Variants in MTMR14 observed in about 807,000 individuals in gnomAD.
The protein encoded by MTMR14 is myotubularin related protein 14, also known as phosphatidylinositol-3,5-bisphosphate 3-phosphatase MTMR14.
MTMR14 carries 48 observed loss-of-function variants against 86.3 expected under a neutral mutation model. The ratio of observed to expected loss-of-function variants is 0.56; its 90% CI spans 0.44 to 0.71. The LOEUF is 0.71. Ranked by LOEUF, MTMR14 falls within the 30% of genes least tolerant of loss-of-function variation. The pLI is 0.00. For synonymous variants in MTMR14, 366 were observed against 326.1 expected (o/e 1.12, Z -1.32); for missense variants, 780 against 834.6 (o/e 0.93, Z 0.81).
chr3:9,665,299 A>G (rs1261261583), intron 3 of MTMR14, among the ~76,000 whole-genome samples: 1 of 150,906 alleles, frequency 6.6e-6, no homozygotes. Flanking sequence ...AAAAAAAAAA[A>G]GTCTCACGTA....
intron 9 of MTMR14, among the ~76,000 whole-genome samples, chr3:9,681,342 T>C (rs1395843936): frequency 6.6e-6 from 1 of 152,178 alleles, no homozygotes; most frequent in East Asian, 1.9e-4. Context: ...TTGCCCCAGC[T>C]ATGAAGAAGC....
At chr3:9,653,469 G>C in intron 1 of MTMR14, 152 bp from the exon 2 acceptor site, 1 of 877,668 alleles carries the variant, frequency 1.1e-6, no homozygotes, top group African/African-American at 1.8e-5. Flanking sequence ...CTACACGTAG[G>C]ACCTGTGGCC....
intron 18 of MTMR14, among the ~76,000 whole-genome samples, chr3:9,698,260 A>AGCG (rs2076345009): frequency 6.6e-6 from 1 of 152,234 alleles, no homozygotes; most frequent in Non-Finnish European, 1.5e-5. Flanking sequence ...GTTAGCCCGA[A>AGCG]GCTTTGCTCC....
intron 1 of MTMR14, among the ~76,000 whole-genome samples, chr3:9,652,710 A>AG (rs1553663152): frequency 6.6e-6 from 1 of 150,902 alleles, no homozygotes; most frequent in Non-Finnish European, 1.5e-5. Flanking sequence ...AAAAAAAAAA[A>AG]GGAATGGGGA....
At chr3:9,693,229 A>G (rs2076186858) in intron 17 of MTMR14, among the ~76,000 whole-genome samples, 2 of 152,268 alleles carry the variant, frequency 1.3e-5, no homozygotes, top group South Asian at 4.1e-4. Context: ...TCAAGATAAC[A>G]TAAACAATAG....
In MTMR14 at chr3:9,649,743, G is replaced by T. The variant is rs768430127; in HGVS notation, c.159+1G>T. ...TGGCAGCGGGACCGGCGGCTCTAAG[G>T]TGAGATTGGAGGTGCGATGAGCTGG... is the stretch of plus-strand genomic sequence containing the variant. On this transcript the variant is annotated splice_donor_variant, in intron 1 of 18. Transcript: ENST00000296003. LOFTEE classifies it high-confidence loss of function. 1.2e-6 allele frequency: 2 copies of T among 1,613,442 alleles called. No homozygotes were observed. The highest frequency in any genetic ancestry group is 1.1e-5 in the South Asian group (1 of 90,934).
Position 9,668,741 on chromosome 3 carries a change from T to C in MTMR14, c.440T>C (p.Leu147Pro). The C allele has an allele frequency of 6.2e-7, 1 of 1,614,198 alleles. No homozygotes were observed. Among genetic ancestry groups the C allele is most frequent in the Non-Finnish European group, 8.5e-7 (1 of 1,180,036 alleles). Residue 147 changes from leucine (L) to proline (P), a missense_variant, in exon 4 of 19, where the codon CTG becomes CCG. Physicochemically the swap from Leu to Pro is moderately conservative, Grantham distance 98 (BLOSUM62 -3). Coordinates refer to ENST00000296003, the MANE Select transcript of MTMR14 (RefSeq NM_001077525.3). ...KGKHICRSAT[L>P]AGWGELYGRS... ...CAGCACATTTGCAGGTCGGCCACAC[T>C]GGCTGGATGGGGAGAGCTGTATGGA...
chr3:9,700,717 A>C (rs2076427224), intron 18 of MTMR14: 1 of 152,208 alleles, frequency 6.6e-6, no homozygotes, highest in Non-Finnish European at 1.5e-5. Context: ...TCCAGTGGGG[A>C]ACCCTGGCTT....
chr3:9,675,262 C>T (rs2048793871), intron 7 of MTMR14, among the ~76,000 whole-genome samples: 1 of 152,152 alleles, frequency 6.6e-6, no homozygotes, highest in African/African-American at 2.4e-5. Flanking sequence ...CCATTGCACA[C>T]CCAAATAAGG....
intron 2 of MTMR14, among the ~76,000 whole-genome samples, chr3:9,658,563 G>A (rs1221202593): frequency 6.6e-6 from 1 of 152,236 alleles, no homozygotes; most frequent in Non-Finnish European, 1.5e-5. Flanking sequence ...GTGAGGCCCT[G>A]CCGGATAGTG....
intron 17 of MTMR14, among the ~76,000 whole-genome samples, chr3:9,692,140 T>C (rs1479458967): frequency 6.6e-6 from 1 of 152,202 alleles, no homozygotes; most frequent in South Asian, 2.1e-4. Flanking sequence ...GTCTTTAATG[T>C]GGTAGGAGAA....
In MTMR14 at chr3:9,674,525, C is replaced by T. The variant is rs149875086; in HGVS notation, c.751+1767C>T. On this transcript the variant is annotated intron_variant, in intron 7 of 18. Coordinates refer to ENST00000296003, the MANE Select transcript of MTMR14 (RefSeq NM_001077525.3). ...AAAATGGGCTGGGCATGGTGGCTCA[C>T]GCCTTTAATCTCAGCACTTTGGGAG... is the stretch of plus-strand genomic sequence containing the variant. Among the ~76,000 whole-genome samples the T allele has an allele frequency of 4.5e-4, 69 of 152,314 alleles. No individual in the cohort carries two copies. In the South Asian group the frequency reaches 5.4e-3, roughly 12 times the overall value.
In MTMR14 at chr3:9,662,120, A is replaced by G; in HGVS notation, c.309-147A>G. ...ATAGATAGATAGACAGACAGATGAT[A>G]GATGATATAAAATTTAGGAATGACA... On this transcript the variant is annotated intron_variant, in intron 2 of 18. Transcript: ENST00000296003. The G allele has an allele frequency of 4.4e-6, 3 of 681,694 alleles. No homozygotes were observed. The South Asian group carries it at 4.8e-5, about 11-fold the overall frequency. 42.2% of individuals were successfully genotyped at this position (681,694 alleles called of 1,614,324 possible).
intron 9 of MTMR14, among the ~76,000 whole-genome samples, chr3:9,680,260 C>T (rs2075717796): frequency 6.6e-6 from 1 of 152,238 alleles, no homozygotes; most frequent in Non-Finnish European, 1.5e-5. Context: ...GTCTCTGCCC[C>T]TAGTGCAACT....
rs189546645 is a variant in MTMR14, at chr3:9,701,227, G to A, written c.1770-563G>A. On this transcript the variant is annotated intron_variant, in intron 18 of 18. Coordinates refer to ENST00000296003, the MANE Select transcript of MTMR14 (RefSeq NM_001077525.3). The surrounding 1 kb of genome is among the most constrained non-coding windows in gnomAD (Gnocchi z 4.2). ...GCTGGGGCAAATTCCCTCCTGCTTA[G>A]CTACCCTCCTTCCCAGTGATCGCAA... The A allele has an allele frequency of 7.3e-5, 12 of 164,650 alleles. No individual in the cohort carries two copies. Among genetic ancestry groups the A allele is most frequent in the Admixed American group, 6.2e-4 (11 of 17,612 alleles). 10.2% of individuals were successfully genotyped at this position (164,650 alleles called of 1,614,324 possible).
intron 1 of MTMR14, among the ~76,000 whole-genome samples, chr3:9,652,696 CAA>C (rs553682561): frequency 1.6e-4 from 21 of 129,562 alleles, no homozygotes; most frequent in Admixed American, 2.4e-4. Flanking sequence ...GACTCTTTCT[CAA>C]AAAAAAAAAA....
chr3:9,653,627 C>T lies in MTMR14; in HGVS notation c.166C>T (p.Arg56Cys), dbSNP rs377332766. The T allele has an allele frequency of 9.9e-6, 16 of 1,614,044 alleles. No homozygotes were observed. Among genetic ancestry groups the T allele is most frequent in the African/African-American group, 2.7e-5 (2 of 74,982 alleles). Residue 56 changes from arginine (R) to cysteine (C), a missense_variant, in exon 2 of 19, where the codon CGC (arginine) becomes TGC (cysteine). Transcript: ENST00000296003. ...GSGTGGSKVE[R>C]IEKRCLELFG... is the part of the protein sequence containing the mutation. ...GGTCTCCTTCTCTGTGCAGGTTGAG[C>T]GCATTGAGAAGAGATGTCTGGAGCT... is the stretch of plus-strand genomic sequence containing the variant.
intron 18 of MTMR14, chr3:9,700,314 G>A (rs527265536): frequency 6.6e-6 from 1 of 152,296 alleles, no homozygotes; most frequent in South Asian, 2.1e-4. Flanking sequence ...TAGTATTTAG[G>A]TGTATGGGAA....
At chr3:9,657,895 G>C (rs1426165455) in intron 2 of MTMR14, among the ~76,000 whole-genome samples, 1 of 152,112 alleles carries the variant, frequency 6.6e-6, no homozygotes, top group Non-Finnish European at 1.5e-5. Context: ...GAAGTAATTT[G>C]CCTTTGCCGA....
Sources: gnomAD v4.1 joint callset for allele counts (sites outside exome capture counted in the v4.1 genomes callset) on GRCh38, gnomAD v4.1.1 for gene constraint, Gnocchi (gnomAD v3.1) non-coding constraint, MANE v1.5 for transcripts, NCBI Gene and HGNC (gene_info 2026-07-23, HGNC 2026-07-21) for gene names.